KCNIP1: variants seen among roughly 807,000 people sequenced by gnomAD.
KCNIP1 encodes potassium voltage-gated channel interacting protein 1.
A neutral mutation model predicts 33.0 loss-of-function variants in KCNIP1; 18 were observed. The observed-to-expected ratio is 0.55, with a 90% CI of 0.38 to 0.81. The LOEUF (loss-of-function observed/expected upper bound fraction) is 0.81. Ranked by LOEUF, KCNIP1 falls within the 30% of genes least tolerant of loss-of-function variation. The probability of loss-of-function intolerance (pLI) is 0.00; values close to 1 mark genes in which losing one functional copy is unlikely to be tolerated. For synonymous variants in KCNIP1, 93 were observed against 98.3 expected (o/e 0.95, Z 0.32); for missense variants, 238 against 271.6 (o/e 0.88, Z 0.87).
At chr5:170,424,083 TCAC>T (rs143350821) in intron 1 of KCNIP1, among the ~76,000 whole-genome samples, 19 of 152,372 alleles carry the variant, frequency 1.2e-4, no homozygotes, top group African/African-American at 4.6e-4. Context: ...TTCATCGCCA[TCAC>T]TGCCGTCAAA....
At chr5:170,664,106 G>T (rs1471504004) in intron 1 of KCNIP1, among the ~76,000 whole-genome samples, 1 of 152,010 alleles carries the variant, frequency 6.6e-6, no homozygotes, top group Non-Finnish European at 1.5e-5. Context: ...CTTGTGATCT[G>T]CCCTGCCTAT....
rs147206574 is a variant in KCNIP1 at position 170,472,213 on chromosome 5, G to T, written c.88+118249G>T. ...GCCTCAGCTGTCTCATGTACAAGAT[G>T]GGAATCATCTCAGTCCAAACCAGAC... On this transcript the variant is annotated intron_variant, in intron 1 of 7. Coordinates refer to the KCNIP1 transcript ENST00000377360. 7.5e-3 allele frequency among the ~76,000 whole-genome samples: 1,145 copies of T among 152,240 alleles called. 18 individuals are homozygous for T. Among genetic ancestry groups the T allele is most frequent in the African/African-American group, 0.027 (1,106 of 41,542 alleles).
chr5:170,680,913 A>G (rs1762320168), intron 1 of KCNIP1: 3 of 395,800 alleles, frequency 7.6e-6, no homozygotes, highest in Admixed American at 8.8e-5. Flanking sequence ...AGGGAGGGGT[A>G]GGAGTGGAAG....
At chr5:170,658,444 C>G (rs188754451) in intron 1 of KCNIP1, among the ~76,000 whole-genome samples, 48 of 152,348 alleles carry the variant, frequency 3.2e-4, no homozygotes, top group African/African-American at 1.1e-3. Flanking sequence ...TTATTAACCT[C>G]TTAAAGGTCC....
intron 1 of KCNIP1, among the ~76,000 whole-genome samples, chr5:170,577,390 T>C (rs1311297634): frequency 6.6e-6 from 1 of 152,232 alleles, no homozygotes; most frequent in Non-Finnish European, 1.5e-5. Flanking sequence ...GTGGCGAACA[T>C]CTGTTATTAA....
chr5:170,471,058 A>C (rs1006062184), intron 1 of KCNIP1, among the ~76,000 whole-genome samples: 41 of 152,332 alleles, frequency 2.7e-4, no homozygotes, highest in African/African-American at 9.1e-4. Context: ...CTATTGTCTT[A>C]AGCTACTATT....
At chr5:170,401,736 T>G (rs1754909403) in intron 1 of KCNIP1, among the ~76,000 whole-genome samples, 1 of 151,278 alleles carries the variant, frequency 6.6e-6, no homozygotes, top group Non-Finnish European at 1.5e-5. Flanking sequence ...CACTTTAGCT[T>G]GAGTGACGTT....
chr5:170,568,339 G>A (rs183157682), intron 1 of KCNIP1, among the ~76,000 whole-genome samples: 40 of 152,164 alleles, frequency 2.6e-4, no homozygotes, highest in African/African-American at 9.2e-4. Context: ...ATTAATTTCT[G>A]TTCTTTGTTT....
intron 5 of KCNIP1, among the ~76,000 whole-genome samples, 190 bp from the exon 6 acceptor site, chr5:170,732,610 C>G (rs1034500098): frequency 6.6e-6 from 1 of 152,088 alleles, no homozygotes. Context: ...TCTACCATCT[C>G]CTCTCTAAGA....
intron 1 of KCNIP1, among the ~76,000 whole-genome samples, chr5:170,530,422 G>T (rs1755746265): frequency 6.6e-6 from 1 of 152,234 alleles, no homozygotes; most frequent in Admixed American, 6.5e-5. Context: ...GAAACTGGGA[G>T]TCAAGGAGGT....
chr5:170,405,369 AT>A (rs910142080), intron 1 of KCNIP1, among the ~76,000 whole-genome samples: 2 of 152,052 alleles, frequency 1.3e-5, no homozygotes, highest in African/African-American at 4.8e-5. Context: ...AATTATTAGT[AT>A]ATTTTAATTT....
At chr5:170,528,667 G>C (rs142457837) in intron 1 of KCNIP1, among the ~76,000 whole-genome samples, 1 of 152,106 alleles carries the variant, frequency 6.6e-6, no homozygotes, top group Non-Finnish European at 1.5e-5. Context: ...CCCCACCCCC[G>C]TCTCTCTGTT....
intron 1 of KCNIP1, chr5:170,379,039 T>C (rs888468156): frequency 1.3e-6 from 2 of 1,555,372 alleles, no homozygotes; most frequent in Non-Finnish European, 8.7e-7. Flanking sequence ...GGGCTTGATA[T>C]GGAGTAAAGA....
upstream of KCNIP1, among the ~76,000 whole-genome samples, chr5:170,502,500 G>A (rs1291525781): frequency 6.6e-6 from 1 of 152,112 alleles, no homozygotes; most frequent in Non-Finnish European, 1.5e-5. Flanking sequence ...TGACTGTCAT[G>A]CTGTTTTGCT....
chr5:170,639,794 CG>C (rs1561735253), intron 1 of KCNIP1, among the ~76,000 whole-genome samples: 3 of 152,208 alleles, frequency 2.0e-5, no homozygotes, highest in Non-Finnish European at 2.9e-5. Flanking sequence ...CCTGCTCTGA[CG>C]TAGTGACTCA....
At chr5:170,524,823 T>C (rs74766138) in intron 1 of KCNIP1, among the ~76,000 whole-genome samples, 3,060 of 152,224 alleles carry the variant, frequency 0.02, 47 homozygotes, top group Middle Eastern at 0.051. Flanking sequence ...GAGGCCCGGC[T>C]GCCCTGGCAT....
intron 1 of KCNIP1, chr5:170,383,871 C>T (rs750612592): frequency 9.9e-5 from 159 of 1,611,828 alleles, no homozygotes; most frequent in Middle Eastern, 3.3e-4. Context: ...CACACACATG[C>T]ACACATACAC....
At chr5:170,406,389 A>C (rs1362081778) in intron 1 of KCNIP1, among the ~76,000 whole-genome samples, 1 of 152,172 alleles carries the variant, frequency 6.6e-6, no homozygotes, top group African/African-American at 2.4e-5. Context: ...TCACCTACCC[A>C]TTATTGGTCG....
chr5:170,453,573 G>C (rs570712748), intron 1 of KCNIP1, among the ~76,000 whole-genome samples: 15 of 152,120 alleles, frequency 9.9e-5, no homozygotes, highest in Non-Finnish European at 2.1e-4. Flanking sequence ...TCTGCCTTCT[G>C]GTATTTACAC....
Sources: gnomAD v4.1 joint callset for allele counts (sites outside exome capture counted in the v4.1 genomes callset) on GRCh38, gnomAD v4.1.1 for gene constraint, MANE v1.5 for transcripts, NCBI Gene and HGNC (gene_info 2026-07-23, HGNC 2026-07-21) for gene names.